WWOX: variants seen among roughly 807,000 people sequenced by gnomAD.
WWOX encodes WW domain containing oxidoreductase, also known as WW domain-containing oxidoreductase.
A neutral mutation model predicts 46.2 loss-of-function variants in WWOX; 69 were observed. That is an observed-to-expected ratio of 1.49 (90% CI 1.23 to 1.82). The LOEUF is 1.82. Among genes scored for constraint, WWOX ranks in the 40% most tolerant of loss-of-function variants. The pLI, the probability that WWOX is intolerant of heterozygous loss-of-function variation, is 0.00. For synonymous variants in WWOX, 359 were observed against 202.6 expected, an observed-to-expected ratio of 1.77 and a Z score of -6.56; for missense variants, 919 against 542.6, an observed-to-expected ratio of 1.69 and a Z score of -6.89.
chr16:79,141,029 T>G (rs962545617), intron 8 of WWOX, among the ~76,000 whole-genome samples: 3 of 152,188 alleles, frequency 2.0e-5, no homozygotes, highest in Non-Finnish European at 4.4e-5. Context: ...AGATAAATCT[T>G]GGGCCCCCAA....
chr16:79,045,958 T>C (rs941343036), intron 8 of WWOX, among the ~76,000 whole-genome samples: 10 of 151,818 alleles, frequency 6.6e-5, no homozygotes, highest in African/African-American at 1.9e-4. Flanking sequence ...CACACCACCA[T>C]GGCTGGCTAA....
At chr16:78,320,930 C>T (rs1200745873) in intron 5 of WWOX, among the ~76,000 whole-genome samples, 2 of 152,152 alleles carry the variant, frequency 1.3e-5, no homozygotes, top group African/African-American at 4.8e-5. Context: ...GGGCGCCAGA[C>T]TGCACAGGAT....
At chr16:78,818,804 A>G (rs2051415072) in intron 8 of WWOX, among the ~76,000 whole-genome samples, 1 of 152,230 alleles carries the variant, frequency 6.6e-6, no homozygotes, top group Admixed American at 6.5e-5. Context: ...GAGCCAGTAT[A>G]CGTAATTCCA....
intron 8 of WWOX, among the ~76,000 whole-genome samples, chr16:78,687,344 A>G (rs1218048100): frequency 1.3e-5 from 2 of 152,244 alleles, no homozygotes; most frequent in African/African-American, 2.4e-5. Context: ...CATTGTACCT[A>G]TCGAAAGAAG....
At chr16:79,116,833 G>T (rs1193942890) in intron 8 of WWOX, among the ~76,000 whole-genome samples, 2 of 151,728 alleles carry the variant, frequency 1.3e-5, no homozygotes, top group African/African-American at 4.8e-5. Context: ...AATTTACTTA[G>T]CCCAGATCCA....
chr16:78,379,093 A>G (rs1160384432), intron 5 of WWOX, among the ~76,000 whole-genome samples: 2 of 152,176 alleles, frequency 1.3e-5, no homozygotes, highest in African/African-American at 4.8e-5. Context: ...TAAAATGGGG[A>G]AAATTATAGA....
intron 8 of WWOX, among the ~76,000 whole-genome samples, chr16:78,518,152 C>G (rs16947902): frequency 0.038 from 5,852 of 152,180 alleles, 385 homozygotes; most frequent in African/African-American, 0.14. Flanking sequence ...CCTACAGAGT[C>G]TATCACTGTG....
At chr16:79,174,120 A>C (rs113339598) in intron 8 of WWOX, among the ~76,000 whole-genome samples, 1 of 152,236 alleles carries the variant, frequency 6.6e-6, no homozygotes, top group Non-Finnish European at 1.5e-5. Flanking sequence ...GGCTTTGTAG[A>C]GTGAAAGGTC....
intron 8 of WWOX, among the ~76,000 whole-genome samples, chr16:78,969,386 C>T (rs1355762117): frequency 6.6e-6 from 1 of 152,020 alleles, no homozygotes; most frequent in African/African-American, 2.4e-5. Context: ...TCTCGTGCCT[C>T]AGCCTCCCGA....
intron 8 of WWOX, among the ~76,000 whole-genome samples, chr16:78,909,197 C>G (rs908278192): frequency 1.1e-4 from 16 of 152,186 alleles, no homozygotes; most frequent in Non-Finnish European, 1.5e-5. Context: ...ATAATTTTTG[C>G]AAAGGCTGTT....
intron 8 of WWOX, chr16:78,825,354 T>C: frequency 3.4e-6 from 1 of 291,360 alleles, no homozygotes; most frequent in Non-Finnish European, 7.0e-6. Flanking sequence ...AATCAGTTTC[T>C]TACTCCGGAG....
intron 8 of WWOX, among the ~76,000 whole-genome samples, chr16:78,703,026 A>C (rs2048257528): frequency 6.6e-6 from 1 of 152,154 alleles, no homozygotes; most frequent in South Asian, 2.1e-4. Flanking sequence ...TCTAAAAAGT[A>C]ATTATGGAAT....
intron 8 of WWOX, among the ~76,000 whole-genome samples, chr16:78,767,886 C>G (rs1190897149): frequency 1.3e-5 from 2 of 152,138 alleles, no homozygotes; most frequent in African/African-American, 4.8e-5. Context: ...TTGATACTCA[C>G]ATGGCTTTTT....
chr16:78,977,220 G>C (rs570843904), intron 8 of WWOX, among the ~76,000 whole-genome samples: 1 of 152,280 alleles, frequency 6.6e-6, no homozygotes, highest in African/African-American at 2.4e-5. Context: ...CTTCAGACAG[G>C]AGAGCCCTGA....
intron 8 of WWOX, among the ~76,000 whole-genome samples, chr16:78,569,744 A>G (rs1295552033): frequency 3.3e-5 from 5 of 152,244 alleles, no homozygotes; most frequent in African/African-American, 1.2e-4. Context: ...TTTCATTTAT[A>G]AAGTGCTTCT....
chr16:79,048,022 A>G (rs1030711254), intron 8 of WWOX, among the ~76,000 whole-genome samples: 6 of 152,110 alleles, frequency 3.9e-5, no homozygotes, highest in South Asian at 2.1e-4. Flanking sequence ...CAAGGTGGCT[A>G]TAGACTGGCA....
intron 8 of WWOX, among the ~76,000 whole-genome samples, chr16:78,540,103 C>A (rs923925869): frequency 3.9e-5 from 6 of 152,072 alleles, no homozygotes; most frequent in African/African-American, 1.4e-4. Context: ...TCCACCCTCA[C>A]ACTTTTTTTA....
chr16:78,950,523 CACACACACAT>C (rs2046037709), intron 8 of WWOX, among the ~76,000 whole-genome samples: 1 of 108,584 alleles, frequency 9.2e-6, no homozygotes. Flanking sequence ...AAGGAACACA[CACACACACAT>C]ACACACACAC....
intron 8 of WWOX, among the ~76,000 whole-genome samples, chr16:79,030,914 T>A (rs1400193946): frequency 6.6e-6 from 1 of 151,822 alleles, no homozygotes. Context: ...GAGACCCCTG[T>A]CTCTACAAAA....
Sources: gnomAD v4.1 joint callset for allele counts (sites outside exome capture counted in the v4.1 genomes callset) on GRCh38, gnomAD v4.1.1 for gene constraint, MANE v1.5 for transcripts, NCBI Gene and HGNC (gene_info 2026-07-23, HGNC 2026-07-21) for gene names.